Variants in ASTN1 observed in about 807,000 individuals in gnomAD.
The protein encoded by ASTN1 is astrotactin-1.
In ASTN1, 41 loss-of-function variants were observed where a neutral mutation model predicts 140.7. The ratio of observed to expected loss-of-function variants is 0.29; its 90% CI spans 0.23 to 0.38. The LOEUF is 0.38. Among genes scored for constraint, ASTN1 ranks in the 10% least tolerant of loss-of-function variants. The probability of loss-of-function intolerance (pLI) is 1.00; values close to 1 mark genes in which losing one functional copy is unlikely to be tolerated. For synonymous variants in ASTN1, 640 were observed against 652.2 expected, an observed-to-expected ratio of 0.98 and a Z score of 0.29; for missense variants, 1,479 against 1,678.8, an observed-to-expected ratio of 0.88 and a Z score of 2.08.
chr1:177,006,338 C>T (rs1674992708), intron 8 of ASTN1, among the ~76,000 whole-genome samples: 1 of 151,136 alleles, frequency 6.6e-6, no homozygotes, highest in East Asian at 1.9e-4. Flanking sequence ...TGGGAAGAAA[C>T]ATGCCAAAAT....
chr1:176,894,244 G>C (rs1053822673), intron 17 of ASTN1, among the ~76,000 whole-genome samples: 8 of 152,118 alleles, frequency 5.3e-5, no homozygotes, highest in African/African-American at 1.9e-4. Flanking sequence ...CTGTCCCCAA[G>C]GCACGAGGGT....
chr1:177,014,264 G>C (rs1675434143), intron 8 of ASTN1, among the ~76,000 whole-genome samples: 1 of 152,192 alleles, frequency 6.6e-6, no homozygotes, highest in Admixed American at 6.5e-5. Flanking sequence ...GTGTCTAGGG[G>C]AAAACAAAAG....
In ASTN1 at chr1:176,868,847, G is replaced by C; in HGVS notation, c.3644C>G (p.Pro1215Arg). 6.2e-7 allele frequency: 1 copy of C among 1,600,650 alleles called. No individual in the cohort carries two copies. The highest frequency in any genetic ancestry group is 8.5e-7 in the Non-Finnish European group (1 of 1,172,064). ...GTTGACTTAGTTTATTGATTACCTG[G>C]GACCTAACTCATCCTCACATCGCCA... ...FTWRCEDELG[P>R]RKAGLILSQL... The change falls in exon 22 of 23, where the codon CCC (proline) becomes CGC (arginine). Residue 1215 changes from proline (P) to arginine (R), a missense_variant. Pro to Arg is a moderately radical substitution (Grantham distance 103, BLOSUM62 -2). Around this residue, in one of 3 missense-constraint regions of ASTN1, gnomAD observed 746 missense variants for 800.9 expected, o/e 0.93. Coordinates refer to ENST00000361833, the MANE Select transcript of ASTN1 (RefSeq NM_004319.3).
intron 2 of ASTN1, among the ~76,000 whole-genome samples, chr1:177,051,913 T>C (rs561160479): frequency 6.6e-6 from 1 of 152,068 alleles, no homozygotes; most frequent in African/African-American, 2.4e-5. Context: ...GTGGTTTGAT[T>C]AAAAAATAAA....
intron 2 of ASTN1, among the ~76,000 whole-genome samples, chr1:177,042,972 T>C (rs1677048238): frequency 6.6e-6 from 1 of 152,256 alleles, no homozygotes; most frequent in South Asian, 2.1e-4. Flanking sequence ...CTTCTCCAGT[T>C]AAGCTTGATC....
intron 12 of ASTN1, among the ~76,000 whole-genome samples, 156 bp downstream of exon 12, chr1:176,949,007 TAAAATGTTCCCCCTCGACTTTA>T (rs952665917): frequency 5.3e-5 from 8 of 152,132 alleles, no homozygotes; most frequent in Non-Finnish European, 8.8e-5. Flanking sequence ...CACACAACTT[TAAAATGTTCCCCCTCGACTTTA>T]AAAATGTTCC....
intron 1 of ASTN1, among the ~76,000 whole-genome samples, chr1:177,113,922 A>G (rs1680946815): frequency 6.6e-6 from 1 of 152,220 alleles, no homozygotes; most frequent in Non-Finnish European, 1.5e-5. Flanking sequence ...TTGATATACT[A>G]GCAATAGTAA....
At chr1:177,085,223 T>C (rs996493107) in intron 1 of ASTN1, among the ~76,000 whole-genome samples, 1 of 152,216 alleles carries the variant, frequency 6.6e-6, no homozygotes, top group Non-Finnish European at 1.5e-5. Context: ...CATTTAGCTT[T>C]TCTGGACCCT....
chr1:177,024,565 T>A lies in ASTN1; in HGVS notation c.1270+18A>T. On this transcript the variant is annotated intron_variant, in intron 6 of 22. Coordinates refer to ENST00000361833, the MANE Select transcript of ASTN1 (RefSeq NM_004319.3). Reference sequence around the variant, plus strand: ...CTTTTTGGGGGGCAAGGTCGCATCCTCAGAAGAACAGGCTCACCATCAGCA... The same window carrying A: ...CTTTTTGGGGGGCAAGGTCGCATCCACAGAAGAACAGGCTCACCATCAGCA... 6.2e-7 allele frequency: 1 copy of A among 1,611,586 alleles called. No homozygotes were observed. The highest frequency in any genetic ancestry group is 8.5e-7 in the Non-Finnish European group (1 of 1,177,944).
At chr1:176,964,834 A>C (rs1672807984) in intron 9 of ASTN1, among the ~76,000 whole-genome samples, 1 of 152,136 alleles carries the variant, frequency 6.6e-6, no homozygotes, top group Non-Finnish European at 1.5e-5. Flanking sequence ...GCATTATCTC[A>C]TATATCCCTC....
rs553378597 is a variant in ASTN1, at chr1:177,093,433, G to A, written c.284-32168C>T. ...CACCTGGTAATTTAAGAAGGAAATA[G>A]TCTATTACCCATTCCTCTAAAACCA... On this transcript the variant is annotated intron_variant, in intron 1 of 22. Coordinates refer to ENST00000361833, the MANE Select transcript of ASTN1 (RefSeq NM_004319.3). Among the ~76,000 whole-genome samples, 4 of 152,258 alleles carry A rather than the reference G, an allele frequency of 2.6e-5. No homozygotes were observed. The East Asian group carries it at 7.7e-4, about 29-fold the overall frequency.
chr1:176,881,190 AT>A (rs1668784137), intron 20 of ASTN1, among the ~76,000 whole-genome samples: 1 of 152,052 alleles, frequency 6.6e-6, no homozygotes, highest in Admixed American at 6.6e-5. Context: ...CCTGGTGGAG[AT>A]TTGCTGTTTC....
chr1:176,931,016 G>A (rs997671984), intron 16 of ASTN1, among the ~76,000 whole-genome samples: 6 of 152,104 alleles, frequency 3.9e-5, no homozygotes, highest in African/African-American at 9.7e-5. Context: ...GCGCCGGCAC[G>A]CAGGTGGAGA....
At chr1:177,075,989 C>T (rs1002748150) in intron 1 of ASTN1, among the ~76,000 whole-genome samples, 1 of 151,836 alleles carries the variant, frequency 6.6e-6, no homozygotes, top group Non-Finnish European at 1.5e-5. Context: ...AATAGAAATC[C>T]CTCATACTGG....
In ASTN1 at chr1:177,023,547, C is replaced by T; in HGVS notation, c.1295G>A (p.Gly432Glu). ...CCAGTCACTGGCATCCAGCTGGCTC[C>T]CCTCCAGCAAGATGAAGCGGCTCCC... ...ADGSRFILLE[G>E]SQLDASDWLN... The change falls in exon 7 of 23, where the codon GGG becomes GAG. Residue 432 changes from glycine to glutamate, a missense_variant. Physicochemically the swap from Gly to Glu is moderately conservative, Grantham distance 98 (BLOSUM62 -2). Coordinates refer to ENST00000361833, the MANE Select transcript of ASTN1 (RefSeq NM_004319.3). The T allele has an allele frequency of 1.3e-6, 2 of 1,599,000 alleles. No individual in the cohort carries two copies. Among genetic ancestry groups the T allele is most frequent in the Non-Finnish European group, 1.7e-6 (2 of 1,175,058 alleles).
chr1:176,995,516 G>C (rs1376445310), intron 8 of ASTN1, among the ~76,000 whole-genome samples: 1 of 152,182 alleles, frequency 6.6e-6, no homozygotes, highest in African/African-American at 2.4e-5. Flanking sequence ...ACACTCCTGA[G>C]CAAATGCACT....
At chr1:176,999,089 A>C (rs1289449724) in intron 8 of ASTN1, among the ~76,000 whole-genome samples, 1 of 152,216 alleles carries the variant, frequency 6.6e-6, no homozygotes, top group Non-Finnish European at 1.5e-5. Flanking sequence ...AAAACTATTG[A>C]GGGTCCTGCC....
chr1:177,045,556 G>A (rs547677590), intron 2 of ASTN1, among the ~76,000 whole-genome samples: 419 of 152,230 alleles, frequency 2.8e-3, no homozygotes, highest in African/African-American at 9.6e-3. Flanking sequence ...CTACAGTCAG[G>A]TGGTGGTTTC....
chr1:177,072,394 T>C (rs750532035), intron 1 of ASTN1, among the ~76,000 whole-genome samples: 1 of 152,132 alleles, frequency 6.6e-6, no homozygotes, highest in Non-Finnish European at 1.5e-5. Context: ...GTCTAAAGAC[T>C]CTCCACACTG....
Sources: allele counts gnomAD v4.1 joint callset (sites outside exome capture counted in the v4.1 genomes callset), GRCh38; gene constraint gnomAD v4.1.1; regional missense constraint gnomAD v4.1.1; transcripts MANE v1.5; gene names NCBI Gene and HGNC (gene_info 2026-07-23, HGNC 2026-07-21).